Variants in SCAPER observed in about 807,000 individuals in gnomAD.
SCAPER encodes S-phase cyclin A associated protein in the ER.
In SCAPER, 98 loss-of-function variants were observed where a neutral mutation model predicts 182.2. That is an observed-to-expected ratio of 0.54 (90% confidence interval 0.46 to 0.64). The LOEUF (loss-of-function observed/expected upper bound fraction) is 0.64, where lower values mean the gene tolerates loss of function less well. Ranked by LOEUF, SCAPER falls within the 30% of genes least tolerant of loss-of-function variation. The pLI is 0.00. For missense variants in SCAPER, 1,432 were observed against 1,690.0 expected, an observed-to-expected ratio of 0.85 and a Z score of 2.68; for synonymous variants, 605 against 564.6, an observed-to-expected ratio of 1.07 and a Z score of -1.01.
intron 7 of SCAPER, among the ~76,000 whole-genome samples, chr15:76,795,714 A>C (rs984354803): frequency 1.8e-4 from 27 of 152,206 alleles, no homozygotes; most frequent in African/African-American, 6.5e-4. Context: ...GGAAGCTTTT[A>C]AAAAATTATG....
At chr15:76,388,693 G>C (rs761537347) in intron 27 of SCAPER, among the ~76,000 whole-genome samples, 3 of 152,162 alleles carry the variant, frequency 2.0e-5, no homozygotes, top group East Asian at 1.9e-4. Context: ...GGGCGTGGTG[G>C]CTCACGTCTG....
intron 23 of SCAPER, among the ~76,000 whole-genome samples, chr15:76,565,315 A>G (rs993910093): frequency 6.6e-6 from 1 of 151,990 alleles, no homozygotes; most frequent in Non-Finnish European, 1.5e-5. Flanking sequence ...TTTAATAAGG[A>G]ACTTAAATTT....
chr15:76,401,891 C>T (rs978598637), intron 27 of SCAPER, among the ~76,000 whole-genome samples: 4 of 152,108 alleles, frequency 2.6e-5, no homozygotes, highest in Non-Finnish European at 5.9e-5. Context: ...CTTTGGGAGG[C>T]TGAGGTGAGT....
intron 27 of SCAPER, among the ~76,000 whole-genome samples, chr15:76,400,087 T>C (rs1304947310): frequency 1.3e-5 from 2 of 151,562 alleles, no homozygotes; most frequent in African/African-American, 4.8e-5. Context: ...AGGAGAGTAG[T>C]GCAAAGGCAG....
intron 21 of SCAPER, among the ~76,000 whole-genome samples, chr15:76,662,966 T>G (rs2056310453): frequency 6.6e-6 from 1 of 151,924 alleles, no homozygotes; most frequent in Non-Finnish European, 1.5e-5. Context: ...AAAGCATATA[T>G]CATTAAAATA....
At position 76,641,174 on chromosome 15, in the gene SCAPER, T is replaced by A. The variant is rs188046515; in HGVS notation, c.2646-19345A>T. ...GTCTGTAACCAGCTTTTGCTGCAACTGTTACTGCTGATTAATATTTTGCTA... is the reference window on the plus strand; with the variant it reads ...GTCTGTAACCAGCTTTTGCTGCAACAGTTACTGCTGATTAATATTTTGCTA... On this transcript the variant is annotated intron_variant, in intron 21 of 31. Coordinates refer to ENST00000563290, the MANE Select transcript of SCAPER (RefSeq NM_020843.4). Among the ~76,000 whole-genome samples the A allele has an allele frequency of 7.2e-5, 11 of 152,332 alleles. No individual in the cohort carries two copies. The East Asian group carries it at 2.1e-3, about 29-fold the overall frequency.
intron 15 of SCAPER, among the ~76,000 whole-genome samples, chr15:76,744,999 A>G (rs2061721393): frequency 6.6e-6 from 1 of 152,220 alleles, no homozygotes; most frequent in Non-Finnish European, 1.5e-5. Flanking sequence ...GCAGCAACAT[A>G]GATGGAACTG....
Position 76,592,620 on chromosome 15 carries a change from C to A in SCAPER, c.2712-18336G>T, listed in dbSNP as rs142825935. Among the ~76,000 whole-genome samples the A allele has an allele frequency of 8.4e-4, 103 of 122,842 alleles. 9 individuals are homozygous for A. The highest frequency in any genetic ancestry group is 2.3e-3 in the African/African-American group (93 of 40,132). 80.6% of individuals were successfully genotyped at this position (122,842 alleles called of 152,430 possible). ...ATTTCTGCATTTCCAACTGAGGTAC[C>A]TGGCTCATCTCACTGGGACTGGTTA... On this transcript the variant is annotated intron_variant, in intron 22 of 31. Transcript: ENST00000563290.
intron 17 of SCAPER, among the ~76,000 whole-genome samples, chr15:76,714,955 A>T (rs1419172035): frequency 6.6e-6 from 1 of 152,096 alleles, no homozygotes; most frequent in Non-Finnish European, 1.5e-5. Context: ...ATTAAAAAAA[A>T]CACATAAAAA....
intron 9 of SCAPER, chr15:76,774,394 G>T: frequency 2.5e-6 from 1 of 392,618 alleles, no homozygotes. Flanking sequence ...TTCCACACTG[G>T]ATCCTGGAGG....
At chr15:76,781,769 T>C (rs995224396) in intron 8 of SCAPER, among the ~76,000 whole-genome samples, 1 of 152,120 alleles carries the variant, frequency 6.6e-6, no homozygotes, top group Admixed American at 6.5e-5. Flanking sequence ...CAACCCAGAA[T>C]TTCATATCCA....
chr15:76,554,567 G>C (rs1315392735), intron 23 of SCAPER, among the ~76,000 whole-genome samples: 1 of 151,946 alleles, frequency 6.6e-6, no homozygotes, highest in Non-Finnish European at 1.5e-5. Context: ...TTTGAAGTTG[G>C]GTAGTATGAT....
At chr15:76,532,097 T>C (rs778973047) in intron 23 of SCAPER, among the ~76,000 whole-genome samples, 1 of 152,116 alleles carries the variant, frequency 6.6e-6, no homozygotes, top group African/African-American at 2.4e-5. Flanking sequence ...ATCTCAACGC[T>C]TACTGGCCCA....
Position 76,670,346 on chromosome 15 carries a change from A to G in SCAPER, c.2509-4557T>C, listed in dbSNP as rs183930669. Among the ~76,000 whole-genome samples, 406 of 152,168 alleles carry G rather than the reference A, an allele frequency of 2.7e-3. 1 individual carries two copies. The highest frequency in any genetic ancestry group is 9.5e-3 in the African/African-American group (393 of 41,542). ...TTTGATATAAATATATATTCCTTCC[A>G]TTAAATAATAATTCTACAACATAAG... is the stretch of plus-strand genomic sequence containing the variant. On this transcript the variant is annotated intron_variant, in intron 20 of 31. Coordinates refer to ENST00000563290, the MANE Select transcript of SCAPER (RefSeq NM_020843.4).
chr15:76,458,884 C>T (rs284895), intron 25 of SCAPER, among the ~76,000 whole-genome samples: 3 of 151,716 alleles, frequency 2.0e-5, no homozygotes, highest in South Asian at 2.1e-4. Context: ...TATCTCCATA[C>T]GATCAACTTA....
chr15:76,729,574 G>C (rs1169498384), intron 16 of SCAPER, among the ~76,000 whole-genome samples: 3 of 152,120 alleles, frequency 2.0e-5, no homozygotes, highest in Admixed American at 2.0e-4. Flanking sequence ...GTGGGTGTAA[G>C]AGTGGATATC....
chr15:76,465,754 T>C (rs2049558499), intron 25 of SCAPER, among the ~76,000 whole-genome samples: 1 of 152,164 alleles, frequency 6.6e-6, no homozygotes. Context: ...GTGTATGGTA[T>C]AAGATAAGGG....
intron 6 of SCAPER, 50 bp downstream of exon 6, chr15:76,804,483 C>T: frequency 8.2e-7 from 1 of 1,212,452 alleles, no homozygotes; most frequent in Non-Finnish European, 1.2e-6. Context: ...TCAGTGATTG[C>T]TATTGAAACT....
chr15:76,887,894 C>T lies in SCAPER; in HGVS notation c.-59-4018G>A, dbSNP rs539142167. Among the ~76,000 whole-genome samples the T allele has an allele frequency of 9.6e-4, 146 of 152,306 alleles. 2 individuals are homozygous for T. The highest frequency in any genetic ancestry group is 3.4e-3 in the African/African-American group (143 of 41,564). ...CCCGTGTAGCCTAACTGGGAGACAC[C>T]TCCCAGGAGGGGCCAACAGACACCT... On this transcript the variant is annotated intron_variant, in intron 1 of 31. Transcript: ENST00000563290.
Sources: allele counts gnomAD v4.1 joint callset (sites outside exome capture counted in the v4.1 genomes callset), GRCh38; gene constraint gnomAD v4.1.1; transcripts MANE v1.5; gene names NCBI Gene and HGNC (gene_info 2026-07-23, HGNC 2026-07-21).